TSPAN15: variants seen among roughly 807,000 people sequenced by gnomAD.
TSPAN15 encodes tetraspanin 15.
A neutral mutation model predicts 34.5 loss-of-function variants in TSPAN15; 20 were observed. The observed-to-expected ratio is 0.58, with a 90% confidence interval of 0.41 to 0.84. TSPAN15 has a LOEUF of 0.84. Among genes scored for constraint, TSPAN15 ranks in the 40% least tolerant of loss-of-function variants. The pLI is 0.00. For missense variants in TSPAN15, 313 were observed against 386.1 expected, an observed-to-expected ratio of 0.81 and a Z score of 1.59; for synonymous variants, 155 against 153.9, an observed-to-expected ratio of 1.01 and a Z score of -0.05.
At chr10:69,491,754 C>T (rs911432490) in intron 3 of TSPAN15, among the ~76,000 whole-genome samples, 1 of 152,190 alleles carries the variant, frequency 6.6e-6, no homozygotes, top group African/African-American at 2.4e-5. Context: ...GTGGTGTTAG[C>T]CAGAGGCAGC....
the TSPAN15 span, among the ~76,000 whole-genome samples, chr10:69,544,694 T>C: frequency 6.6e-6 from 1 of 152,194 alleles, no homozygotes; most frequent in African/African-American, 2.4e-5. Flanking sequence ...ATAGACCTAC[T>C]TTCTGTGAGT....
At chr10:69,466,270 T>A (rs1254625610) in intron 1 of TSPAN15, among the ~76,000 whole-genome samples, 2 of 152,026 alleles carry the variant, frequency 1.3e-5, no homozygotes, top group Admixed American at 1.3e-4. Context: ...GAGACCCGGG[T>A]CGCAGCTGCT....
chr10:69,454,388 T>A (rs1157885169), intron 1 of TSPAN15, among the ~76,000 whole-genome samples: 1 of 152,044 alleles, frequency 6.6e-6, no homozygotes, highest in Non-Finnish European at 1.5e-5. Context: ...CGTGGTGGTG[T>A]GTGCCTGTAA....
intron 3 of TSPAN15, among the ~76,000 whole-genome samples, chr10:69,490,707 A>G (rs926379048): frequency 1.3e-5 from 2 of 152,282 alleles, no homozygotes; most frequent in Non-Finnish European, 2.9e-5. Context: ...CCTGGGTGAC[A>G]GAGCAAGATT....
intron 1 of TSPAN15, among the ~76,000 whole-genome samples, chr10:69,470,604 CTT>C (rs1047926793): frequency 2.0e-5 from 3 of 152,134 alleles, no homozygotes; most frequent in Admixed American, 6.5e-5. Context: ...CCAAGCAACT[CTT>C]TTAAAGATCA....
At position 69,498,241 on chromosome 10, in the gene TSPAN15, C is replaced by T. The variant is rs538982913; in HGVS notation, c.454-39C>T. The T allele has an allele frequency of 5.1e-5, 81 of 1,582,852 alleles. 1 individual carries two copies. The South Asian group carries it at 6.4e-4, about 13-fold the overall frequency. On this transcript the variant is annotated intron_variant, in intron 4 of 7. Coordinates refer to ENST00000373290, the MANE Select transcript of TSPAN15 (RefSeq NM_012339.5). ...TCCTGTCGTCTGAGCAGGGCCTGGG[C>T]GATGACGGCAGCTCCTCTTTCCTGC...
the TSPAN15 span, among the ~76,000 whole-genome samples, chr10:69,538,186 T>A: frequency 0.013 from 2,042 of 152,104 alleles, 42 homozygotes; most frequent in African/African-American, 0.046. Context: ...AACACAGGAA[T>A]GGAGGGGGGA....
intron 3 of TSPAN15, among the ~76,000 whole-genome samples, chr10:69,489,156 G>T (rs1841917396): frequency 1.3e-5 from 2 of 152,130 alleles, no homozygotes; most frequent in African/African-American, 2.4e-5. Flanking sequence ...AATATTCCTT[G>T]CTAGGAAAAG....
At chr10:69,452,654 C>T (rs1840999475) in intron 1 of TSPAN15, among the ~76,000 whole-genome samples, 1 of 152,142 alleles carries the variant, frequency 6.6e-6, no homozygotes, top group Non-Finnish European at 1.5e-5. Context: ...TGTAAGCTGC[C>T]CCAAGAGATT....
Position 69,507,042 on chromosome 10 carries a change from G to T in TSPAN15, c.*64G>T, listed in dbSNP as rs537718035. On this transcript the variant is annotated 3_prime_UTR_variant, in exon 8 of 8. Transcript: ENST00000373290. ...GGGATAGCACCTCTCAGTCAACATC[G>T]TGGGGCTGGACAGGGCTGCGGCCCC... 1 of 1,573,278 alleles carries T rather than the reference G, an allele frequency of 6.4e-7. No homozygotes were observed. Among genetic ancestry groups the T allele is most frequent in the Non-Finnish European group, 8.6e-7 (1 of 1,160,926 alleles).
the TSPAN15 span, among the ~76,000 whole-genome samples, chr10:69,541,659 G>A: frequency 2.6e-5 from 4 of 152,214 alleles, no homozygotes; most frequent in Non-Finnish European, 4.4e-5. Context: ...ACATCCAGGC[G>A]TTTCCATACA....
In TSPAN15 at chr10:69,498,414, G is replaced by A. The variant is rs762665250; in HGVS notation, c.570+18G>A. The stretch of plus-strand genomic sequence containing the variant: ...GGAACACGGTAGACACTGCTCCTGT[G>A]GGGACTGGGGGGCTGTCGGGGACCC... On this transcript the variant is annotated intron_variant, in intron 5 of 7. Coordinates refer to ENST00000373290, the MANE Select transcript of TSPAN15 (RefSeq NM_012339.5). 6.2e-7 allele frequency: 1 copy of A among 1,600,862 alleles called. No individual in the cohort carries two copies. Among genetic ancestry groups the A allele is most frequent in the Admixed American group, 1.7e-5 (1 of 59,922 alleles).
At chr10:69,517,990 A>C in the TSPAN15 span, among the ~76,000 whole-genome samples, 1 of 152,112 alleles carries the variant, frequency 6.6e-6, no homozygotes. Flanking sequence ...GTGCTCAATA[A>C]ATCTTTGTTG....
chr10:69,495,304 A>G, intron 3 of TSPAN15: 1 of 336,624 alleles, frequency 3.0e-6, no homozygotes. Context: ...GCACGGCCCC[A>G]GCCTCTCAGG....
At chr10:69,498,031 C>T (rs181489397) in intron 4 of TSPAN15, among the ~76,000 whole-genome samples, 1 of 152,170 alleles carries the variant, frequency 6.6e-6, no homozygotes, top group Admixed American at 6.5e-5. Flanking sequence ...TGCCTAGTCA[C>T]TACCCTGATA....
chr10:69,464,977 C>T (rs949253804), intron 1 of TSPAN15, among the ~76,000 whole-genome samples: 2 of 152,184 alleles, frequency 1.3e-5, no homozygotes, highest in African/African-American at 4.8e-5. Flanking sequence ...CTGGGGGAAC[C>T]CTGTTCATGC....
intron 1 of TSPAN15, among the ~76,000 whole-genome samples, chr10:69,465,929 A>G (rs1170442178): frequency 6.6e-6 from 1 of 152,218 alleles, no homozygotes; most frequent in Non-Finnish European, 1.5e-5. Context: ...GTTACAAGAC[A>G]TTGCTAACAC....
At chr10:69,451,813 G>A (rs1031826780) in intron 1 of TSPAN15, 123 bp downstream of exon 1, 1 of 707,578 alleles carries the variant, frequency 1.4e-6, no homozygotes, top group Non-Finnish European at 2.0e-6. Context: ...AGCGCGCGCG[G>A]ACTCCTTGTC....
chr10:69,540,319 C>T, the TSPAN15 span, among the ~76,000 whole-genome samples: 3 of 152,280 alleles, frequency 2.0e-5, no homozygotes, highest in Non-Finnish European at 2.9e-5. Context: ...GGTGTGAACT[C>T]GGGAGGCAAA....
Sources: allele counts gnomAD v4.1 joint callset (sites outside exome capture counted in the v4.1 genomes callset), GRCh38; gene constraint gnomAD v4.1.1; transcripts MANE v1.5; gene names NCBI Gene and HGNC (gene_info 2026-07-23, HGNC 2026-07-21).